Variants in PTPRD observed in about 807,000 individuals in gnomAD.
PTPRD encodes the protein receptor-type tyrosine-protein phosphatase delta.
A neutral mutation model predicts 214.5 loss-of-function variants in PTPRD; 34 were observed. That is an observed-to-expected ratio of 0.16 (90% CI 0.12 to 0.21). PTPRD has a LOEUF of 0.21. Ranked by LOEUF, PTPRD falls within the 10% of genes least tolerant of loss-of-function variation. PTPRD has a pLI of 1.00. For missense variants in PTPRD, 2,545 were observed against 2,398.7 expected (o/e 1.06, Z -1.27); for synonymous variants, 1,128 against 845.7 (o/e 1.33, Z -5.79).
At chr9:8,742,222 G>T (rs927914433) in intron 11 of PTPRD, among the ~76,000 whole-genome samples, 3 of 151,992 alleles carry the variant, frequency 2.0e-5, no homozygotes, top group African/African-American at 7.2e-5. Context: ...TGTATGATTT[G>T]TTGTTTTATT....
chr9:8,901,169 A>C (rs12554855), intron 11 of PTPRD, among the ~76,000 whole-genome samples: 28,994 of 152,112 alleles, frequency 0.19, 3,407 homozygotes, highest in African/African-American at 0.31. Flanking sequence ...GGTTCATTGG[A>C]GCTCAACAGC....
chr9:9,253,374 A>G (rs2099976275), intron 9 of PTPRD, among the ~76,000 whole-genome samples: 1 of 152,088 alleles, frequency 6.6e-6, no homozygotes, highest in African/African-American at 2.4e-5. Context: ...TCTAGAAATT[A>G]TTGGAAAATA....
At chr9:9,969,521 G>A (rs1379953041) in intron 4 of PTPRD, among the ~76,000 whole-genome samples, 1 of 152,114 alleles carries the variant, frequency 6.6e-6, no homozygotes, top group Non-Finnish European at 1.5e-5. Context: ...TTCAAGTCTT[G>A]GAAGCAAAAA....
intron 3 of PTPRD, among the ~76,000 whole-genome samples, chr9:10,259,958 T>C (rs1441359611): frequency 6.6e-6 from 1 of 152,178 alleles, no homozygotes; most frequent in Non-Finnish European, 1.5e-5. Flanking sequence ...CACACTCCCT[T>C]TCACAGTGGA....
chr9:10,256,209 T>C (rs1004733341), intron 3 of PTPRD, among the ~76,000 whole-genome samples: 7 of 152,148 alleles, frequency 4.6e-5, no homozygotes, highest in African/African-American at 1.7e-4. Flanking sequence ...CAGTCCCTGG[T>C]GCCAAAAAGG....
At chr9:10,377,980 T>C (rs533789202) in intron 2 of PTPRD, among the ~76,000 whole-genome samples, 194 of 152,156 alleles carry the variant, frequency 1.3e-3, no homozygotes, top group Middle Eastern at 6.8e-3. Context: ...TTGAGGACCC[T>C]CCAAATTGTT....
intron 5 of PTPRD, among the ~76,000 whole-genome samples, chr9:9,791,547 A>C (rs969133811): frequency 2.0e-5 from 3 of 152,134 alleles, no homozygotes; most frequent in African/African-American, 7.2e-5. Context: ...AAGTTTCTCT[A>C]TCAAGCTTAT....
At chr9:8,815,364 A>G (rs1326485741) in intron 11 of PTPRD, among the ~76,000 whole-genome samples, 2 of 152,148 alleles carry the variant, frequency 1.3e-5, no homozygotes, top group Non-Finnish European at 2.9e-5. Flanking sequence ...ATACACAAAA[A>G]TAAATATTGA....
intron 7 of PTPRD, among the ~76,000 whole-genome samples, chr9:9,645,578 G>C (rs1381818559): frequency 6.6e-6 from 1 of 151,276 alleles, no homozygotes; most frequent in East Asian, 1.9e-4. Context: ...ATCTATCCCA[G>C]AATTTCTGAT....
intron 2 of PTPRD, among the ~76,000 whole-genome samples, chr9:10,394,178 CTATATA>C (rs200917904): frequency 0.023 from 3,157 of 136,788 alleles, 54 homozygotes; most frequent in South Asian, 0.034. Flanking sequence ...ACATATATAT[CTATATA>C]TAAAGATATA....
intron 11 of PTPRD, among the ~76,000 whole-genome samples, chr9:8,977,917 C>T (rs185547099): frequency 1.3e-5 from 2 of 152,078 alleles, no homozygotes; most frequent in Non-Finnish European, 2.9e-5. Context: ...AAAATACTCT[C>T]AGTTACAAAT....
chr9:8,770,649 G>C (rs573275285), intron 11 of PTPRD, among the ~76,000 whole-genome samples: 62 of 152,166 alleles, frequency 4.1e-4, no homozygotes, highest in African/African-American at 1.4e-3. Context: ...CTTGATACTT[G>C]CTTGACCTTT....
chr9:9,691,750 C>T (rs1012768889), intron 7 of PTPRD, among the ~76,000 whole-genome samples: 1 of 152,008 alleles, frequency 6.6e-6, no homozygotes, highest in African/African-American at 2.4e-5. Context: ...CAATAGTATA[C>T]AAGGCTTCCC....
intron 2 of PTPRD, among the ~76,000 whole-genome samples, chr9:10,584,252 G>C (rs2073144024): frequency 1.3e-5 from 2 of 151,670 alleles, no homozygotes; most frequent in African/African-American, 2.4e-5. Flanking sequence ...GCATGAAAAA[G>C]CATAAGCCTA....
At chr9:8,993,830 C>T (rs139639970) in intron 11 of PTPRD, among the ~76,000 whole-genome samples, 2 of 151,890 alleles carry the variant, frequency 1.3e-5, no homozygotes. Flanking sequence ...ACTGGGGGAC[C>T]CGAAGAGTTA....
intron 31 of PTPRD, among the ~76,000 whole-genome samples, chr9:8,470,085 A>G (rs945195800): frequency 4.6e-5 from 7 of 152,148 alleles, no homozygotes; most frequent in Non-Finnish European, 8.8e-5. Flanking sequence ...AATAATCCCA[A>G]TAAATTAAAA....
At chr9:9,727,968 T>G (rs1303673863) in intron 7 of PTPRD, among the ~76,000 whole-genome samples, 2 of 152,134 alleles carry the variant, frequency 1.3e-5, no homozygotes, top group Non-Finnish European at 2.9e-5. Flanking sequence ...CTCCCATAAT[T>G]CCCATGTGTT....
chr9:8,916,522 G>A (rs2098787266), intron 11 of PTPRD, among the ~76,000 whole-genome samples: 2 of 152,150 alleles, frequency 1.3e-5, no homozygotes, highest in African/African-American at 2.4e-5. Context: ...ACGATGAACT[G>A]GAGGTAGTGT....
intron 9 of PTPRD, among the ~76,000 whole-genome samples, chr9:9,353,641 G>C (rs569905169): frequency 6.6e-6 from 1 of 151,394 alleles, no homozygotes; most frequent in Admixed American, 6.6e-5. Flanking sequence ...AAAAAATCCT[G>C]CTTCTGAAAG....
Sources: gnomAD v4.1 joint callset for allele counts (sites outside exome capture counted in the v4.1 genomes callset) on GRCh38, gnomAD v4.1.1 for gene constraint, MANE v1.5 for transcripts, NCBI Gene and HGNC (gene_info 2026-07-23, HGNC 2026-07-21) for gene names.